HERC3: variants seen among roughly 807,000 people sequenced by gnomAD.
HERC3 encodes probable E3 ubiquitin-protein ligase HERC3.
Under a neutral mutation model 129.9 loss-of-function variants are expected in HERC3, and 58 were observed. The observed-to-expected ratio is 0.45, with a 90% CI of 0.36 to 0.56. The LOEUF is 0.56. HERC3 is among the 20% of genes least tolerant of loss of function. The probability of loss-of-function intolerance (pLI) is 0.00; values close to 1 mark genes in which losing one functional copy is unlikely to be tolerated. For synonymous variants in HERC3, 430 were observed against 451.0 expected (o/e 0.95, Z 0.59); for missense variants, 835 against 1,244.2 (o/e 0.67, Z 4.95).
chr4:88,534,637 T>C, the HERC3 span, among the ~76,000 whole-genome samples: 3 of 152,180 alleles, frequency 2.0e-5, no homozygotes, highest in Non-Finnish European at 4.4e-5. Flanking sequence ...TGAATGGAAT[T>C]TTTCATGGCA....
intron 3 of HERC3, among the ~76,000 whole-genome samples, chr4:88,638,674 C>G (rs1174131214): frequency 6.6e-6 from 1 of 152,172 alleles, no homozygotes; most frequent in Non-Finnish European, 1.5e-5. Flanking sequence ...CCTTTGAAAA[C>G]TGGCACAAGA....
intron 23 of HERC3, among the ~76,000 whole-genome samples, chr4:88,700,130 ATGT>A (rs1735193611): frequency 1.3e-5 from 2 of 151,384 alleles, no homozygotes; most frequent in South Asian, 4.2e-4. Flanking sequence ...AGATTGATTT[ATGT>A]TGTTGTATAT....
At chr4:88,662,618 G>A (rs2149289575) in intron 11 of HERC3, 63 bp downstream of exon 11, 1 of 1,505,682 alleles carries the variant, frequency 6.6e-7, no homozygotes. Flanking sequence ...TTAGCTTAGT[G>A]TGATTTTCCG....
At chr4:88,700,568 C>T (rs918589396) in intron 23 of HERC3, among the ~76,000 whole-genome samples, 1 of 152,176 alleles carries the variant, frequency 6.6e-6, no homozygotes, top group African/African-American at 2.4e-5. Context: ...CTTTCAGGCT[C>T]TACCTATTTC....
chr4:88,594,189 G>C (rs905190988), intron 1 of HERC3, among the ~76,000 whole-genome samples: 4 of 152,132 alleles, frequency 2.6e-5, no homozygotes, highest in African/African-American at 9.7e-5. Flanking sequence ...CATGTTGTGT[G>C]CTTGAAGCCA....
intron 14 of HERC3, 143 bp downstream of exon 14, chr4:88,668,224 GTTAA>G (rs1731247270): frequency 9.8e-6 from 6 of 611,650 alleles, no homozygotes; most frequent in Non-Finnish European, 1.6e-5. Context: ...TTTCTTTGCT[GTTAA>G]TTTTTAGCTA....
intron 23 of HERC3, among the ~76,000 whole-genome samples, chr4:88,702,950 G>C (rs1021206345): frequency 1.3e-5 from 2 of 152,192 alleles, no homozygotes; most frequent in African/African-American, 2.4e-5. Context: ...AACCTGCCCG[G>C]GAAACCAACC....
At chr4:88,658,254 A>G in intron 9 of HERC3, 161 bp from the exon 10 acceptor site, 1 of 422,486 alleles carries the variant, frequency 2.4e-6, no homozygotes. Flanking sequence ...AAGTAGAAAC[A>G]GTCCTAGGCA....
intron 3 of HERC3, among the ~76,000 whole-genome samples, chr4:88,610,754 C>G (rs1413224630): frequency 6.6e-6 from 1 of 152,174 alleles, no homozygotes; most frequent in Non-Finnish European, 1.5e-5. Flanking sequence ...AAGCAAAAAC[C>G]TCGCAGAACA....
chr4:88,533,293 C>G, the HERC3 span, among the ~76,000 whole-genome samples: 2 of 152,202 alleles, frequency 1.3e-5, no homozygotes, highest in Non-Finnish European at 2.9e-5. Flanking sequence ...TGCCCACCCA[C>G]ATTGAGGATG....
the HERC3 span, among the ~76,000 whole-genome samples, chr4:88,561,899 T>TG: frequency 6.6e-6 from 1 of 152,228 alleles, no homozygotes; most frequent in Non-Finnish European, 1.5e-5. Flanking sequence ...CATCTGTTGA[T>TG]GGACACTTAG....
rs374502742 is a variant in HERC3 at position 88,648,690 on chromosome 4, C to T, written c.227-1150C>T. Among the ~76,000 whole-genome samples the T allele has an allele frequency of 1.2e-3, 187 of 152,174 alleles. 2 individuals are homozygous for T. The South Asian group carries it at 0.02, about 17-fold the overall frequency. ...ATTTTGTTGGTCATTATTCTGGGCACTTAATAGATCCTTTCAGTGTGAAAT... is the reference window on the plus strand; with the variant it reads ...ATTTTGTTGGTCATTATTCTGGGCATTTAATAGATCCTTTCAGTGTGAAAT... On this transcript the variant is annotated intron_variant, in intron 3 of 25. Coordinates refer to ENST00000402738, the MANE Select transcript of HERC3 (RefSeq NM_014606.3).
the HERC3 span, among the ~76,000 whole-genome samples, chr4:88,581,307 A>AT: frequency 3.8e-3 from 546 of 143,954 alleles, 3 homozygotes; most frequent in Non-Finnish European, 6.4e-3. Flanking sequence ...TATTATTATT[A>AT]TTTTTTTTTT....
chr4:88,602,629 T>A (rs1394978654), intron 2 of HERC3, among the ~76,000 whole-genome samples: 1 of 151,960 alleles, frequency 6.6e-6, no homozygotes, highest in African/African-American at 2.4e-5. Flanking sequence ...AGGTGTGTCC[T>A]ACCACACTTG....
the HERC3 span, among the ~76,000 whole-genome samples, chr4:88,581,766 TA>T: frequency 6.6e-6 from 1 of 152,196 alleles, no homozygotes; most frequent in African/African-American, 2.4e-5. Context: ...AATATTTCCT[TA>T]AAAGATTTTA....
chr4:88,554,345 C>CAA, the HERC3 span, among the ~76,000 whole-genome samples: 159 of 59,758 alleles, frequency 2.7e-3, 1 homozygote, highest in Middle Eastern at 0.017. Context: ...ACTCCATCTC[C>CAA]AAAAAAAAAA....
At chr4:88,655,431 T>G in intron 8 of HERC3, 127 bp downstream of exon 8, 1 of 1,050,254 alleles carries the variant, frequency 9.5e-7, no homozygotes, top group Admixed American at 2.2e-5. Flanking sequence ...CATGCACGCC[T>G]ATGGTGAAAT....
intron 25 of HERC3, among the ~76,000 whole-genome samples, chr4:88,705,795 G>T (rs1418452857): frequency 6.6e-6 from 1 of 152,206 alleles, no homozygotes; most frequent in Non-Finnish European, 1.5e-5. Context: ...TGCTTTATAA[G>T]ATGGAGCATA....
the HERC3 span, among the ~76,000 whole-genome samples, chr4:88,546,368 C>T: frequency 6.6e-6 from 1 of 152,220 alleles, no homozygotes; most frequent in East Asian, 1.9e-4. Context: ...CTAACTTCAG[C>T]GGGGTAGGAT....
Sources: allele counts gnomAD v4.1 joint callset (sites outside exome capture counted in the v4.1 genomes callset), GRCh38; gene constraint gnomAD v4.1.1; transcripts MANE v1.5; gene names NCBI Gene and HGNC (gene_info 2026-07-23, HGNC 2026-07-21).